The following ZNF280D variants were observed in gnomAD, a reference collection of about 807,000 sequenced individuals.
ZNF280D encodes zinc finger protein 280D.
Under a neutral mutation model 94.7 loss-of-function variants are expected in ZNF280D, and 39 were observed. The observed-to-expected ratio is 0.41, with a 90% CI of 0.32 to 0.54. The LOEUF is 0.54. ZNF280D is among the 20% of genes least tolerant of loss of function. The probability of loss-of-function intolerance (pLI) is 0.22; values close to 1 mark genes in which losing one functional copy is unlikely to be tolerated. For missense variants in ZNF280D, 1,090 were observed against 1,149.3 expected (o/e 0.95, Z 0.75); for synonymous variants, 398 against 377.6 (o/e 1.05, Z -0.63).
chr15:56,678,690 CT>C lies in ZNF280D; in HGVS notation c.1135del (p.Ser379ValfsTer29). 1 of 1,611,866 alleles carries C rather than the reference CT, an allele frequency of 6.2e-7. No homozygotes were observed. Among genetic ancestry groups the C allele is most frequent in the Non-Finnish European group, 8.5e-7 (1 of 1,179,064 alleles). On this transcript the variant is annotated frameshift_variant, in exon 11 of 22. Transcript: ENST00000267807. LOFTEE classifies it high-confidence loss of function. ...TPFQLQCHIESTHTPHEFSTI... is the reference protein window; with the variant it reads ...TPFQLQCHIEXTHTPHEFSTI... The stretch of plus-strand genomic sequence containing the variant: ...AGAAAATTCATGGGGCGTATGTGTA[CT>C]TTCGATGTGACACTGCAACTGAAAT...
chr15:56,658,558 G>A, intron 16 of ZNF280D, 72 bp from the exon 17 acceptor site: 1 of 1,065,590 alleles, frequency 9.4e-7, no homozygotes. Context: ...TATATTTCAA[G>A]TCCATACTTA....
chr15:56,671,163 A>C (rs1257271116), intron 13 of ZNF280D, among the ~76,000 whole-genome samples: 1 of 152,046 alleles, frequency 6.6e-6, no homozygotes, highest in Non-Finnish European at 1.5e-5. Flanking sequence ...TGCTGTGCAG[A>C]AGCTCTTTAA....
At chr15:56,707,026 G>T in intron 3 of ZNF280D, 56 bp downstream of exon 3, 3 of 1,546,194 alleles carry the variant, frequency 1.9e-6, no homozygotes, top group Non-Finnish European at 2.7e-6. Context: ...TTTCTCCTGA[G>T]GTAAAGTGAT....
At chr15:56,723,842 A>G (rs1157478007) in intron 1 of ZNF280D, among the ~76,000 whole-genome samples, 3 of 120,282 alleles carry the variant, frequency 2.5e-5, no homozygotes, top group Non-Finnish European at 6.0e-5. Flanking sequence ...ACCCATCATT[A>G]GCTGAAAATA....
intron 9 of ZNF280D, chr15:56,688,838 A>G (rs1433706362): frequency 1.4e-5 from 5 of 351,138 alleles, no homozygotes; most frequent in Non-Finnish European, 2.6e-5. Context: ...CATACATTAT[A>G]ATATATACAA....
At chr15:56,730,437 C>A (rs1225727851) in intron 1 of ZNF280D, 1 of 152,122 alleles carries the variant, frequency 6.6e-6, no homozygotes, top group Non-Finnish European at 1.5e-5. Flanking sequence ...GTTGACTTTT[C>A]ATTTGTGAAA....
intron 21 of ZNF280D, among the ~76,000 whole-genome samples, chr15:56,634,477 A>G (rs1419950081): frequency 1.3e-5 from 2 of 152,170 alleles, no homozygotes; most frequent in Admixed American, 6.5e-5. Flanking sequence ...AAAGGGCGAG[A>G]TAACTTTACT....
chr15:56,725,533 T>C lies in ZNF280D; in HGVS notation c.-86+7925A>G, dbSNP rs75030946. Among the ~76,000 whole-genome samples the C allele has an allele frequency of 4.0e-3, 612 of 152,322 alleles. 8 individuals carry two copies. Among genetic ancestry groups the C allele is most frequent in the East Asian group, 0.032 (167 of 5,188 alleles). On this transcript the variant is annotated intron_variant, in intron 1 of 21. Coordinates refer to ENST00000267807, the MANE Select transcript of ZNF280D (RefSeq NM_017661.4). The stretch of plus-strand genomic sequence containing the variant: ...TCTTAATAAAGACAGCTGGATTCTC[T>C]TACGACCTTCTGCATTCAACCTGTT...
chr15:56,641,748 C>A (rs1040126878), intron 20 of ZNF280D, among the ~76,000 whole-genome samples: 5 of 151,646 alleles, frequency 3.3e-5, no homozygotes, highest in African/African-American at 1.2e-4. Flanking sequence ...AAACCGGAAA[C>A]ATTTGCTCCA....
chr15:56,687,381 G>A (rs1225335049), intron 9 of ZNF280D, among the ~76,000 whole-genome samples: 1 of 152,058 alleles, frequency 6.6e-6, no homozygotes, highest in East Asian at 1.9e-4. Flanking sequence ...GGAGAATGTT[G>A]CCATTCTCTC....
chr15:56,702,395 T>C (rs1322892958), intron 4 of ZNF280D, among the ~76,000 whole-genome samples: 3 of 152,200 alleles, frequency 2.0e-5, no homozygotes, highest in Non-Finnish European at 2.9e-5. Context: ...GTTAACATAT[T>C]TTATGGCTTA....
chr15:56,636,485 ATTTTTTT>A (rs71113011), intron 20 of ZNF280D, among the ~76,000 whole-genome samples: 6 of 130,210 alleles, frequency 4.6e-5, no homozygotes, highest in East Asian at 2.2e-4. Flanking sequence ...CTTCCTTCCT[ATTTTTTT>A]TTTTTTTTTT....
At chr15:56,683,082 A>T (rs1002690978) in intron 9 of ZNF280D, among the ~76,000 whole-genome samples, 1 of 152,162 alleles carries the variant, frequency 6.6e-6, no homozygotes, top group Non-Finnish European at 1.5e-5. Context: ...CCCATAATAG[A>T]TGATAAATTA....
At chr15:56,702,023 C>CAAAA (rs36004101) in intron 4 of ZNF280D, among the ~76,000 whole-genome samples, 5 of 128,598 alleles carry the variant, frequency 3.9e-5, no homozygotes, top group South Asian at 5.0e-4. Context: ...AAAAAGCACC[C>CAAAA]AAAAAAAAAA....
chr15:56,682,551 G>C, intron 9 of ZNF280D, 74 bp from the exon 10 acceptor site: 3 of 948,414 alleles, frequency 3.2e-6, no homozygotes, highest in Non-Finnish European at 4.6e-6. Context: ...AAAAGTGATT[G>C]TGTGTTTACA....
chr15:56,683,019 AAGTT>A (rs1276779255), intron 9 of ZNF280D, among the ~76,000 whole-genome samples: 1 of 152,124 alleles, frequency 6.6e-6, no homozygotes, highest in Admixed American at 6.5e-5. Context: ...TAACATTGCA[AAGTT>A]AGTCTATGAA....
intron 1 of ZNF280D, among the ~76,000 whole-genome samples, chr15:56,724,432 T>C (rs2058529915): frequency 6.6e-6 from 1 of 152,196 alleles, no homozygotes; most frequent in African/African-American, 2.4e-5. Flanking sequence ...GAGGCAACAC[T>C]TCTAACAGTT....
intron 1 of ZNF280D, among the ~76,000 whole-genome samples, chr15:56,711,759 G>T (rs1257027292): frequency 6.6e-6 from 1 of 152,306 alleles, no homozygotes; most frequent in South Asian, 2.1e-4. Context: ...TTATGGTCAT[G>T]CATCACTTAA....
intron 19 of ZNF280D, among the ~76,000 whole-genome samples, chr15:56,643,659 A>C (rs1389126025): frequency 6.6e-6 from 1 of 151,898 alleles, no homozygotes; most frequent in Non-Finnish European, 1.5e-5. Context: ...AATTTAATCT[A>C]AGAACTAGCT....
Sources: allele counts gnomAD v4.1 joint callset (sites outside exome capture counted in the v4.1 genomes callset), GRCh38; gene constraint gnomAD v4.1.1; transcripts MANE v1.5; gene names NCBI Gene and HGNC (gene_info 2026-07-23, HGNC 2026-07-21).